RALYL: variants seen among roughly 807,000 people sequenced by gnomAD.
The protein encoded by RALYL is RNA-binding Raly-like protein.
In RALYL, 29 loss-of-function variants were observed where a neutral mutation model predicts 35.1. The ratio of observed to expected loss-of-function variants is 0.83; its 90% CI spans 0.61 to 1.13. The LOEUF (loss-of-function observed/expected upper bound fraction) is 1.13, where lower values mean the gene tolerates loss of function less well. Ranked by LOEUF, RALYL falls within the 50% of genes most tolerant of loss-of-function variation. The pLI, the probability that RALYL is intolerant of heterozygous loss-of-function variation, is 0.00. For synonymous variants in RALYL, 120 were observed against 127.6 expected (o/e 0.94, Z 0.40); for missense variants, 359 against 360.4 (o/e 1.00, Z 0.03).
At chr8:84,427,631 C>CAT (rs1032616120) in intron 1 of RALYL, among the ~76,000 whole-genome samples, 78 of 152,266 alleles carry the variant, frequency 5.1e-4, no homozygotes, top group Middle Eastern at 6.8e-3. Flanking sequence ...ATGTATTACT[C>CAT]ATCTTCCCAT....
chr8:84,551,540 A>C (rs932466860), intron 2 of RALYL, among the ~76,000 whole-genome samples: 4 of 152,110 alleles, frequency 2.6e-5, no homozygotes, highest in Non-Finnish European at 5.9e-5. Flanking sequence ...AATATTAAGT[A>C]ATTAGAGACT....
intron 2 of RALYL, among the ~76,000 whole-genome samples, chr8:84,591,233 T>C (rs1813189437): frequency 6.6e-6 from 1 of 152,222 alleles, no homozygotes; most frequent in Admixed American, 6.5e-5. Flanking sequence ...CAAGGTAACG[T>C]AAGTCAGTTT....
At chr8:84,684,526 G>C (rs538976842) in intron 2 of RALYL, among the ~76,000 whole-genome samples, 1 of 152,130 alleles carries the variant, frequency 6.6e-6, no homozygotes, top group Non-Finnish European at 1.5e-5. Context: ...TGAAGATGAA[G>C]AGAAATGACA....
intron 2 of RALYL, among the ~76,000 whole-genome samples, chr8:84,615,455 T>C (rs1265643893): frequency 6.9e-6 from 1 of 145,312 alleles, no homozygotes; most frequent in Non-Finnish European, 1.5e-5. Context: ...GACACCTGCT[T>C]AAATGCTCAA....
chr8:84,419,592 T>C (rs1279356458), intron 1 of RALYL, among the ~76,000 whole-genome samples: 1 of 151,538 alleles, frequency 6.6e-6, no homozygotes, highest in Admixed American at 6.6e-5. Context: ...CATGTGCACA[T>C]TGTGCAGGTT....
chr8:84,419,544 T>A (rs1450477063), intron 1 of RALYL, among the ~76,000 whole-genome samples: 1 of 137,272 alleles, frequency 7.3e-6, no homozygotes. Context: ...TGGTCTTAAC[T>A]TTTTTTTTTT....
At chr8:84,185,363 G>C (rs536376403) in intron 1 of RALYL, 1 of 277,226 alleles carries the variant, frequency 3.6e-6, no homozygotes, top group Admixed American at 4.6e-5. Flanking sequence ...AGGGGTTGGT[G>C]ATAGAGGTGA....
At chr8:84,851,692 A>T (rs376592962) in intron 5 of RALYL, among the ~76,000 whole-genome samples, 8 of 152,176 alleles carry the variant, frequency 5.3e-5, no homozygotes, top group African/African-American at 1.7e-4. Flanking sequence ...CAAGAATTCC[A>T]TGTTTCTTCC....
intron 4 of RALYL, among the ~76,000 whole-genome samples, chr8:84,838,981 C>T (rs184341814): frequency 1.1e-3 from 161 of 152,130 alleles, no homozygotes; most frequent in African/African-American, 3.6e-3. Context: ...AATTTGGGGG[C>T]GGCAGGTGGG....
At chr8:84,799,940 A>G (rs1822854037) in intron 3 of RALYL, among the ~76,000 whole-genome samples, 1 of 152,218 alleles carries the variant, frequency 6.6e-6, no homozygotes, top group Non-Finnish European at 1.5e-5. Flanking sequence ...TGCCTGGGCA[A>G]CAGAGCAAGA....
intron 2 of RALYL, among the ~76,000 whole-genome samples, chr8:84,689,431 T>C (rs1837547402): frequency 6.6e-6 from 1 of 152,246 alleles, no homozygotes; most frequent in Admixed American, 6.5e-5. Context: ...GGCTGCATAG[T>C]ATTCCATGGG....
chr8:84,341,455 C>A (rs748167484), intron 1 of RALYL, among the ~76,000 whole-genome samples: 16 of 151,832 alleles, frequency 1.1e-4, no homozygotes, highest in Non-Finnish European at 2.4e-4. Flanking sequence ...AAGCATGTAA[C>A]CCCTTAGCCC....
intron 6 of RALYL, among the ~76,000 whole-genome samples, chr8:84,868,216 A>T (rs576363154): frequency 5.3e-5 from 8 of 152,158 alleles, no homozygotes; most frequent in East Asian, 1.9e-4. Context: ...CACTTAAAAA[A>T]TTTTTTTAGA....
chr8:84,675,392 A>T (rs888177765), intron 2 of RALYL, among the ~76,000 whole-genome samples: 4 of 152,152 alleles, frequency 2.6e-5, no homozygotes, highest in African/African-American at 9.6e-5. Flanking sequence ...TTGACTTAAT[A>T]GAGGCTTACA....
chr8:84,726,233 A>G (rs1013518167), intron 2 of RALYL, among the ~76,000 whole-genome samples: 1 of 147,058 alleles, frequency 6.8e-6, no homozygotes, highest in African/African-American at 2.5e-5. Flanking sequence ...ATTTTTATAT[A>G]TAAATATATA....
chr8:84,335,558 G>A (rs1282355011), intron 1 of RALYL, among the ~76,000 whole-genome samples: 1 of 151,738 alleles, frequency 6.6e-6, no homozygotes, highest in African/African-American at 2.4e-5. Context: ...TCTGAATTTT[G>A]TATTGAATCG....
chr8:84,373,439 C>T (rs1856310973), intron 1 of RALYL, among the ~76,000 whole-genome samples: 1 of 151,970 alleles, frequency 6.6e-6, no homozygotes, highest in African/African-American at 2.4e-5. Context: ...CTGCACATGG[C>T]TAGTGAGTTA....
chr8:84,229,023 T>C (rs929658930), intron 1 of RALYL, among the ~76,000 whole-genome samples: 1 of 152,210 alleles, frequency 6.6e-6, no homozygotes, highest in South Asian at 2.1e-4. Context: ...TCAAGATGCA[T>C]GTAAGCACTT....
At chr8:84,464,298 T>A (rs2133461433) in intron 1 of RALYL, among the ~76,000 whole-genome samples, 1 of 151,702 alleles carries the variant, frequency 6.6e-6, no homozygotes, top group East Asian at 1.9e-4. Flanking sequence ...CCCGTACCCC[T>A]ACCCCACAAC....
Sources: gnomAD v4.1 joint callset for allele counts (sites outside exome capture counted in the v4.1 genomes callset) on GRCh38, gnomAD v4.1.1 for gene constraint, MANE v1.5 for transcripts, NCBI Gene and HGNC (gene_info 2026-07-23, HGNC 2026-07-21) for gene names.